Variants in RALY observed in about 807,000 individuals in gnomAD.
The protein encoded by RALY is RNA-binding protein Raly.
A neutral mutation model predicts 30.7 loss-of-function variants in RALY; 15 were observed. That is an observed-to-expected ratio of 0.49 (90% confidence interval 0.33 to 0.75). RALY has a LOEUF of 0.75. Ranked by LOEUF, RALY falls within the 30% of genes least tolerant of loss-of-function variation. The pLI, the probability that RALY is intolerant of heterozygous loss-of-function variation, is 0.02. For synonymous variants in RALY, 177 were observed against 170.8 expected (o/e 1.04, Z -0.28); for missense variants, 339 against 414.3 (o/e 0.82, Z 1.58).
chr20:34,011,504 C>T (rs2031397525), intron 1 of RALY, among the ~76,000 whole-genome samples: 1 of 152,216 alleles, frequency 6.6e-6, no homozygotes, highest in Admixed American at 6.5e-5. Flanking sequence ...AGTAACTAGA[C>T]TTTGGATGGG....
chr20:34,063,896 T>C (rs1334701756), intron 2 of RALY, among the ~76,000 whole-genome samples: 2 of 152,064 alleles, frequency 1.3e-5, no homozygotes, highest in Non-Finnish European at 2.9e-5. Flanking sequence ...ACTACTTTGC[T>C]TGGGGAGTAG....
chr20:34,020,039 C>T (rs1440899090), intron 1 of RALY, among the ~76,000 whole-genome samples: 5 of 151,948 alleles, frequency 3.3e-5, no homozygotes, highest in African/African-American at 9.7e-5. Context: ...CCAGCCTGGG[C>T]AACAGAGCAA....
At chr20:34,023,332 A>G (rs1368648219) in intron 1 of RALY, among the ~76,000 whole-genome samples, 1 of 152,244 alleles carries the variant, frequency 6.6e-6, no homozygotes, top group Non-Finnish European at 1.5e-5. Flanking sequence ...CAAGTAGGGA[A>G]GAGTGGTAGA....
chr20:34,042,149 CAG>C (rs2123137669), intron 2 of RALY, among the ~76,000 whole-genome samples: 1 of 152,198 alleles, frequency 6.6e-6, no homozygotes, highest in African/African-American at 2.4e-5. Flanking sequence ...AACAACCAAA[CAG>C]AGCTGCTTTG....
intron 2 of RALY, among the ~76,000 whole-genome samples, chr20:34,069,753 G>T (rs1341350714): frequency 6.6e-6 from 1 of 152,178 alleles, no homozygotes; most frequent in Non-Finnish European, 1.5e-5. Context: ...TACTACCTTT[G>T]TGTCCCTCAC....
At chr20:34,037,197 A>G (rs985910785) in intron 2 of RALY, among the ~76,000 whole-genome samples, 5 of 152,222 alleles carry the variant, frequency 3.3e-5, no homozygotes, top group Admixed American at 3.3e-4. Context: ...CCTACAATGT[A>G]TATGTGTTAC....
At chr20:34,050,572 C>T (rs2033043583) in intron 2 of RALY, among the ~76,000 whole-genome samples, 1 of 152,234 alleles carries the variant, frequency 6.6e-6, no homozygotes, top group Non-Finnish European at 1.5e-5. Flanking sequence ...GCCCTGCACC[C>T]AACTACTTCT....
intron 3 of RALY, 67 bp from the exon 4 acceptor site, chr20:34,073,496 A>G (rs1034533518): frequency 1.8e-5 from 26 of 1,417,508 alleles, no homozygotes; most frequent in Middle Eastern, 3.5e-4. Flanking sequence ...GTGCGTGTGC[A>G]TGAGGTTGAT....
intron 2 of RALY, among the ~76,000 whole-genome samples, chr20:34,069,782 G>A (rs902718272): frequency 4.6e-5 from 7 of 151,174 alleles, no homozygotes; most frequent in African/African-American, 1.7e-4. Context: ...AAGTGTAGAT[G>A]AGTGGAACCA....
At chr20:34,024,461 CA>C (rs2031945417) in intron 1 of RALY, among the ~76,000 whole-genome samples, 1 of 152,172 alleles carries the variant, frequency 6.6e-6, no homozygotes, top group Non-Finnish European at 1.5e-5. Flanking sequence ...GTTAGCTGCC[CA>C]GAAAATGCAG....
chr20:34,018,682 GTT>G (rs34594078), intron 1 of RALY, among the ~76,000 whole-genome samples: 64,295 of 151,854 alleles, frequency 0.42, 16,244 homozygotes, highest in South Asian at 0.64. Context: ...TTTGGTGTTT[GTT>G]TTGTTTTTTC....
intron 1 of RALY, among the ~76,000 whole-genome samples, chr20:34,012,445 C>CTTCTCTTTCTT (rs1555801413): frequency 2.0e-5 from 3 of 152,034 alleles, no homozygotes; most frequent in Non-Finnish European, 4.4e-5. Flanking sequence ...TTGCTTGCCT[C>CTTCTCTTTCTT]TTCTCTTTCT....
At chr20:34,067,846 C>G (rs76707855) in intron 2 of RALY, among the ~76,000 whole-genome samples, 111 of 134,890 alleles carry the variant, frequency 8.2e-4, no homozygotes, top group African/African-American at 2.6e-3. Context: ...ACACTGTGCT[C>G]TCTCCCAGCT....
Position 34,077,063 on chromosome 20 carries a change from G to T in RALY, c.694G>T (p.Gly232Cys). The T allele has an allele frequency of 6.2e-7, 1 of 1,603,536 alleles. No homozygotes were observed. Among genetic ancestry groups the T allele is most frequent in the Non-Finnish European group, 8.5e-7 (1 of 1,175,112 alleles). ...GAAGGGTGATGGAGGTGGCGCCGGC[G>T]GCGGCGGCGGTGGTGGTGGCAGCGG... ...KKKGDGGGAG[G>C]GGGGGGSGGG... Residue 232 changes from glycine (G) to cysteine (C), a missense_variant, in exon 8 of 10, where the codon GGC becomes TGC. By Grantham distance (159) the Gly-to-Cys change is radical (BLOSUM62 -3). Coordinates refer to ENST00000246194, the MANE Select transcript of RALY (RefSeq NM_016732.3).
chr20:34,056,754 C>T (rs2033256979), intron 2 of RALY, among the ~76,000 whole-genome samples: 1 of 152,174 alleles, frequency 6.6e-6, no homozygotes, highest in Admixed American at 6.6e-5. Flanking sequence ...CTCCCTACCC[C>T]ACCACCTGCC....
intron 1 of RALY, among the ~76,000 whole-genome samples, chr20:33,998,858 G>A (rs1336593466): frequency 6.6e-6 from 1 of 152,008 alleles, no homozygotes; most frequent in African/African-American, 2.4e-5. Context: ...TGGGCGTGGT[G>A]GCTCACGTTT....
chr20:34,068,850 C>T (rs965547118), intron 2 of RALY, among the ~76,000 whole-genome samples: 4 of 152,186 alleles, frequency 2.6e-5, no homozygotes, highest in African/African-American at 9.7e-5. Context: ...AGCCTTTGCA[C>T]ACCCCCACAG....
intron 1 of RALY, among the ~76,000 whole-genome samples, chr20:34,001,775 CT>C (rs995870922): frequency 4.6e-5 from 7 of 150,822 alleles, no homozygotes; most frequent in African/African-American, 7.3e-5. Context: ...ATGTTGTTTC[CT>C]TTTTTTTTGA....
chr20:34,077,529 A>C (rs2033927503), intron 8 of RALY: 2 of 568,742 alleles, frequency 3.5e-6, no homozygotes, highest in Non-Finnish European at 6.1e-6. Context: ...GGAGATTCGG[A>C]CATAAGGGAG....
Sources: allele counts gnomAD v4.1 joint callset (sites outside exome capture counted in the v4.1 genomes callset), GRCh38; gene constraint gnomAD v4.1.1; transcripts MANE v1.5; gene names NCBI Gene and HGNC (gene_info 2026-07-23, HGNC 2026-07-21).